The following CUX1 variants were observed in gnomAD, a reference collection of about 807,000 sequenced individuals.
CUX1 encodes cut like homeobox 1, also known as protein CASP.
A neutral mutation model predicts 158.8 loss-of-function variants in CUX1; 31 were observed. The observed-to-expected ratio is 0.20, with a 90% CI of 0.15 to 0.26. CUX1 has a LOEUF of 0.26. Ranked by LOEUF, CUX1 falls within the 10% of genes least tolerant of loss-of-function variation. CUX1 has a pLI of 1.00. For synonymous variants in CUX1, 879 were observed against 862.1 expected (o/e 1.02, Z -0.34); for missense variants, 1,589 against 2,014.6 (o/e 0.79, Z 4.04).
intron 1 of CUX1, among the ~76,000 whole-genome samples, chr7:101,837,211 A>G (rs918917770): frequency 1.3e-5 from 2 of 152,214 alleles, no homozygotes. Context: ...TGTTTTCTAA[A>G]GGCAGCAGAA....
chr7:102,201,891 C>T lies in CUX1; in HGVS notation c.2594C>T (p.Ala865Val), dbSNP rs1554519904. 1 of 1,613,738 alleles carries T rather than the reference C, an allele frequency of 6.2e-7. No homozygotes were observed. The highest frequency in any genetic ancestry group is 8.5e-7 in the Non-Finnish European group (1 of 1,179,938). Residue 865 changes from alanine (A) to valine (V), a missense_variant, in exon 18 of 24, where the codon GCC (alanine) becomes GTC (valine). By Grantham distance (64) the Ala-to-Val change is moderately conservative. Coordinates refer to ENST00000292535, the MANE Select transcript of CUX1 (RefSeq NM_181552.4). This position sits in a 1 kb window ranked among gnomAD's most constrained non-coding sequence, Gnocchi z 5.0. ...GGSGGGSQPR[A>V]ERSQLQGPSS... is the part of the protein sequence containing the mutation. ...AGCGGAGGTGGCAGCCAGCCTCGGG[C>T]CGAGCGCAGTCAGCTCCAGGGACCC...
chr7:102,231,608 A>T (rs539218078), intron 21 of CUX1, among the ~76,000 whole-genome samples: 21 of 152,280 alleles, frequency 1.4e-4, no homozygotes, highest in African/African-American at 4.6e-4. Context: ...GGGAGGCCTA[A>T]GCAAAGAGCA....
At chr7:101,839,131 C>T (rs1294039406) in intron 1 of CUX1, among the ~76,000 whole-genome samples, 1 of 152,214 alleles carries the variant, frequency 6.6e-6, no homozygotes, top group Non-Finnish European at 1.5e-5. Flanking sequence ...TCATCTCATC[C>T]TTACGACCTT....
chr7:101,896,900 C>A (rs74826146), intron 1 of CUX1, among the ~76,000 whole-genome samples: 3,698 of 152,248 alleles, frequency 0.024, 135 homozygotes, highest in African/African-American at 0.081. Flanking sequence ...TAAGTTCTTA[C>A]GAGCAGTCAG....
intron 21 of CUX1, among the ~76,000 whole-genome samples, chr7:102,230,429 G>A (rs2132389071): frequency 6.6e-6 from 1 of 150,494 alleles, no homozygotes; most frequent in South Asian, 2.1e-4. Flanking sequence ...AGGCAGCAGT[G>A]AGCCACGGTG....
At chr7:102,280,855 A>G (rs1270377411) in exon 20 of CUX1, 1 of 1,612,056 alleles carries the variant, frequency 6.2e-7, no homozygotes, top group Non-Finnish European at 8.5e-7. Flanking sequence ...GGCCACCCTC[A>G]GCATGGTGAG....
intron 2 of CUX1, chr7:101,961,875 CA>C (rs11409394): frequency 1.2e-3 from 139 of 111,630 alleles, no homozygotes; most frequent in African/African-American, 2.2e-3. Flanking sequence ...GACTCCATCT[CA>C]AAAAAAAAAA....
At chr7:101,846,323 CT>C (rs34213913) in intron 1 of CUX1, among the ~76,000 whole-genome samples, 2,109 of 144,940 alleles carry the variant, frequency 0.015, 22 homozygotes, top group Non-Finnish European at 0.021. Context: ...AATGCAACTC[CT>C]TTTTTTTTTT....
intron 1 of CUX1, among the ~76,000 whole-genome samples, chr7:101,870,581 A>C (rs1798422860): frequency 6.6e-6 from 1 of 152,024 alleles, no homozygotes; most frequent in Admixed American, 6.6e-5. Flanking sequence ...CCTTTTGTAA[A>C]ACTCTTGTCT....
At chr7:102,156,109 A>C (rs1440052608) in intron 8 of CUX1, among the ~76,000 whole-genome samples, 1 of 152,198 alleles carries the variant, frequency 6.6e-6, no homozygotes, top group African/African-American at 2.4e-5. Flanking sequence ...AGACTACCTC[A>C]AATCGCTGTG....
intron 2 of CUX1, among the ~76,000 whole-genome samples, chr7:102,020,861 C>G (rs575090780): frequency 2.1e-3 from 303 of 141,324 alleles, no homozygotes; most frequent in Non-Finnish European, 3.5e-3. Context: ...GCCTGGGTGA[C>G]AAGAGCAAAA....
intron 14 of CUX1, among the ~76,000 whole-genome samples, chr7:102,269,195 G>A (rs559090709): frequency 2.6e-5 from 4 of 151,052 alleles, no homozygotes; most frequent in South Asian, 2.1e-4. Context: ...GGCTGGTCTC[G>A]AATTCCTGGG....
chr7:101,946,593 A>C (rs1013463982), intron 2 of CUX1, among the ~76,000 whole-genome samples: 1 of 150,286 alleles, frequency 6.7e-6, no homozygotes, highest in Non-Finnish European at 1.5e-5. Flanking sequence ...CAGGAGGGTC[A>C]GTGGCGGTGA....
intron 8 of CUX1, among the ~76,000 whole-genome samples, chr7:102,135,045 C>T (rs1406420152): frequency 2.6e-5 from 4 of 151,980 alleles, no homozygotes; most frequent in African/African-American, 7.2e-5. Context: ...TCTTTTCACT[C>T]GAGTTTTAGT....
chr7:102,215,977 G>T (rs1797003670), intron 20 of CUX1, among the ~76,000 whole-genome samples: 1 of 152,232 alleles, frequency 6.6e-6, no homozygotes, highest in Non-Finnish European at 1.5e-5. Flanking sequence ...TTTCTGGGCT[G>T]CAGGCCTGGA....
chr7:102,226,867 A>G (rs1276906059), intron 20 of CUX1, among the ~76,000 whole-genome samples: 1 of 152,026 alleles, frequency 6.6e-6, no homozygotes, highest in Non-Finnish European at 1.5e-5. Context: ...CTGACCTTAG[A>G]TGATCCACTC....
chr7:102,177,603 G>C (rs1792529974), intron 10 of CUX1, among the ~76,000 whole-genome samples: 1 of 151,906 alleles, frequency 6.6e-6, no homozygotes, highest in African/African-American at 2.4e-5. Flanking sequence ...CCACTCTGCT[G>C]TTCCCCTGCC....
At chr7:102,087,669 A>T (rs1422933850) in intron 4 of CUX1, among the ~76,000 whole-genome samples, 4 of 152,150 alleles carry the variant, frequency 2.6e-5, no homozygotes, top group African/African-American at 9.7e-5. Flanking sequence ...AGAATCTTAT[A>T]ATACATTGTC....
chr7:102,158,864 T>G (rs1384198480), intron 9 of CUX1, among the ~76,000 whole-genome samples: 1 of 152,218 alleles, frequency 6.6e-6, no homozygotes, highest in East Asian at 1.9e-4. Context: ...CCCTCCAAAG[T>G]GGTAACTGTC....
Sources: gnomAD v4.1 joint callset for allele counts (sites outside exome capture counted in the v4.1 genomes callset) on GRCh38, gnomAD v4.1.1 for gene constraint, Gnocchi (gnomAD v3.1) non-coding constraint, MANE v1.5 for transcripts, NCBI Gene and HGNC (gene_info 2026-07-23, HGNC 2026-07-21) for gene names.